Variants in CCBE1 observed in about 807,000 individuals in gnomAD.
CCBE1 encodes collagen and calcium binding EGF domains 1, also known as collagen and calcium-binding EGF domain-containing protein 1.
In CCBE1, 37 loss-of-function variants were observed where a neutral mutation model predicts 50.0. The observed-to-expected ratio is 0.74, with a 90% CI of 0.57 to 0.97. The LOEUF (loss-of-function observed/expected upper bound fraction) is 0.97. CCBE1 is among the 50% of genes least tolerant of loss of function. CCBE1 has a pLI of 0.00. For synonymous variants in CCBE1, 234 were observed against 203.7 expected, an observed-to-expected ratio of 1.15 and a Z score of -1.27; for missense variants, 538 against 523.8, an observed-to-expected ratio of 1.03 and a Z score of -0.26.
chr18:59,580,857 G>A (rs2053074196), intron 2 of CCBE1, among the ~76,000 whole-genome samples: 1 of 152,224 alleles, frequency 6.6e-6, no homozygotes, highest in Admixed American at 6.5e-5. Flanking sequence ...GAATGCTGAA[G>A]TGGCCATGAC....
At chr18:59,643,324 G>A (rs888050850) in intron 2 of CCBE1, among the ~76,000 whole-genome samples, 1 of 152,198 alleles carries the variant, frequency 6.6e-6, no homozygotes, top group Non-Finnish European at 1.5e-5. Context: ...TTGAGCAAAT[G>A]CTCCATTGAT....
At chr18:59,493,086 G>T (rs972035288) in intron 2 of CCBE1, among the ~76,000 whole-genome samples, 2 of 152,184 alleles carry the variant, frequency 1.3e-5, no homozygotes, top group African/African-American at 4.8e-5. Context: ...AATACAATTT[G>T]CTGATTCCAA....
Position 59,435,762 on chromosome 18 carries a change from G to C in CCBE1, c.*146C>G. ...GACTCTGAAAATAGCATCGTATTTG[G>C]AAGAAGAGGAGTGGAGAGACGTCAG... On this transcript the variant is annotated 3_prime_UTR_variant, in exon 11 of 11. Transcript: ENST00000439986. 1.3e-6 allele frequency: 1 copy of C among 787,578 alleles called. No homozygotes were observed. The highest frequency in any genetic ancestry group is 2.3e-6 in the Non-Finnish European group (1 of 443,622). 48.8% of individuals were successfully genotyped at this position (787,578 alleles called of 1,614,324 possible). A position where few individuals can be genotyped will look rare whatever the true frequency, so the allele number is the denominator to read the frequency against.
rs916576762 is a variant in CCBE1, at chr18:59,470,325, C to A, written c.266-718G>T. Among the ~76,000 whole-genome samples, 5 of 152,136 alleles carry A rather than the reference C, an allele frequency of 3.3e-5. No homozygotes were observed. The South Asian group carries it at 1.0e-3, about 32-fold the overall frequency. ...GTCATGAGAACACCATGGGAAAGAC[C>A]CACCCCATGATTCAATTACATCCCA... is the stretch of plus-strand genomic sequence containing the variant. On this transcript the variant is annotated intron_variant, in intron 3 of 10. Coordinates refer to ENST00000439986, the MANE Select transcript of CCBE1 (RefSeq NM_133459.4).
In CCBE1 at chr18:59,696,383, G is replaced by A. The variant is rs979154678; in HGVS notation, c.212+246C>T. ...ACAGACTTCCACACAAGTATTTCAG[G>A]GAGCGGCAACCATCCTCAGGATCTC... On this transcript the variant is annotated intron_variant, in intron 2 of 10. Coordinates refer to ENST00000439986, the MANE Select transcript of CCBE1 (RefSeq NM_133459.4). The A allele has an allele frequency of 3.1e-6, 3 of 979,548 alleles. No individual in the cohort carries two copies. The South Asian group carries it at 5.1e-5, about 17-fold the overall frequency. 60.7% of individuals were successfully genotyped at this position (979,548 alleles called of 1,614,324 possible).
intron 3 of CCBE1, among the ~76,000 whole-genome samples, chr18:59,476,087 G>A (rs879681589): frequency 6.6e-6 from 1 of 152,030 alleles, no homozygotes; most frequent in Non-Finnish European, 1.5e-5. Context: ...GCTTTAGGGT[G>A]CATAGTATAG....
chr18:59,677,424 T>A (rs1361185480), intron 2 of CCBE1, among the ~76,000 whole-genome samples: 1 of 152,110 alleles, frequency 6.6e-6, no homozygotes, highest in African/African-American at 2.4e-5. Flanking sequence ...CTGTCGTCTT[T>A]GAAATTTCTT....
chr18:59,439,649 G>A (rs751158929), intron 8 of CCBE1, 28 bp downstream of exon 8: 1 of 1,614,226 alleles, frequency 6.2e-7, no homozygotes, highest in Non-Finnish European at 8.5e-7. Context: ...CCCCCAAAAA[G>A]GAAGTGGATC....
At chr18:59,679,414 A>T (rs192873067) in intron 2 of CCBE1, among the ~76,000 whole-genome samples, 1 of 152,300 alleles carries the variant, frequency 6.6e-6, no homozygotes, top group East Asian at 1.9e-4. Flanking sequence ...ACATATGAAC[A>T]CCCTACATTT....
At chr18:59,597,687 G>C (rs902676156) in intron 2 of CCBE1, among the ~76,000 whole-genome samples, 2 of 152,166 alleles carry the variant, frequency 1.3e-5, no homozygotes, top group Admixed American at 6.5e-5. Context: ...AACTCTGCCA[G>C]CATCACCAGG....
intron 2 of CCBE1, among the ~76,000 whole-genome samples, chr18:59,485,002 A>G (rs1422101599): frequency 6.6e-6 from 1 of 152,250 alleles, no homozygotes; most frequent in Admixed American, 6.5e-5. Context: ...TGTTAGATCT[A>G]ACTACAAACA....
At position 59,489,478 on chromosome 18, in the gene CCBE1, A is replaced by G. The variant is rs149845747; in HGVS notation, c.213-9240T>C. Among the ~76,000 whole-genome samples the G allele has an allele frequency of 3.3e-3, 496 of 152,278 alleles. 3 individuals carry two copies. Among genetic ancestry groups the G allele is most frequent in the African/African-American group, 0.011 (476 of 41,532 alleles). ...ACCCATGCTGGAGTGCAGTGGTACA[A>G]TCGCAGCTCACTGCAACCTCTACCT... On this transcript the variant is annotated intron_variant, in intron 2 of 10. Transcript: ENST00000439986.
At chr18:59,568,262 C>A (rs968614589) in intron 2 of CCBE1, 4 of 151,598 alleles carry the variant, frequency 2.6e-5, no homozygotes, top group African/African-American at 7.3e-5. Flanking sequence ...AAGAAGATAA[C>A]CCACAATCCC....
chr18:59,494,729 G>A (rs1913266906), intron 2 of CCBE1, among the ~76,000 whole-genome samples: 1 of 152,180 alleles, frequency 6.6e-6, no homozygotes, highest in Non-Finnish European at 1.5e-5. Flanking sequence ...GGGATGACTA[G>A]AAGGTATTAC....
chr18:59,620,575 A>T (rs1014513546), intron 2 of CCBE1, among the ~76,000 whole-genome samples: 1 of 152,248 alleles, frequency 6.6e-6, no homozygotes, highest in Admixed American at 6.5e-5. Flanking sequence ...CACAATTCCC[A>T]TGTGTTGTGA....
intron 2 of CCBE1, among the ~76,000 whole-genome samples, chr18:59,582,988 A>G (rs567733225): frequency 7.2e-5 from 11 of 152,176 alleles, no homozygotes; most frequent in Admixed American, 2.0e-4. Flanking sequence ...AACTAAATAA[A>G]AAAAATTTTC....
intron 2 of CCBE1, among the ~76,000 whole-genome samples, chr18:59,541,732 A>G (rs557006796): frequency 6.6e-6 from 1 of 152,180 alleles, no homozygotes; most frequent in South Asian, 2.1e-4. Context: ...AGATTTCGGA[A>G]AAGGAAGACA....
intron 5 of CCBE1, among the ~76,000 whole-genome samples, chr18:59,461,729 CTTTTTTTTTTT>C (rs36013463): frequency 9.1e-6 from 1 of 109,338 alleles, no homozygotes; most frequent in South Asian, 3.1e-4. Context: ...CAGGTGTAAT[CTTTTTTTTTTT>C]TTTTTTTTTT....
intron 2 of CCBE1, among the ~76,000 whole-genome samples, chr18:59,673,540 C>T (rs375734101): frequency 2.6e-5 from 4 of 152,126 alleles, no homozygotes; most frequent in East Asian, 1.9e-4. Context: ...AGTAAGTGCT[C>T]GGCACATACT....
Sources: gnomAD v4.1 joint callset for allele counts (sites outside exome capture counted in the v4.1 genomes callset) on GRCh38, gnomAD v4.1.1 for gene constraint, MANE v1.5 for transcripts, NCBI Gene and HGNC (gene_info 2026-07-23, HGNC 2026-07-21) for gene names.